Variants in GPC3 observed in about 807,000 individuals in gnomAD.
The protein encoded by GPC3 is glypican 3, also known as glypican-3.
Under a neutral mutation model 34.4 loss-of-function variants are expected in GPC3, and 3 were observed. The ratio of observed to expected loss-of-function variants is 0.09; its 90% CI spans 0.04 to 0.23. The LOEUF is 0.23. GPC3 is among the 10% of genes least tolerant of loss of function. GPC3 has a pLI of 1.00. For missense variants in GPC3, 351 were observed against 445.6 expected, an observed-to-expected ratio of 0.79 and a Z score of 1.91; for synonymous variants, 177 against 174.0, an observed-to-expected ratio of 1.02 and a Z score of -0.13.
At chrX:133,558,716 C>T (rs1227784517) in intron 7 of GPC3, among the ~76,000 whole-genome samples, 1 of 109,139 alleles carries the variant, frequency 9.2e-6, no homozygotes, top group Non-Finnish European at 1.9e-5. Context: ...GATGGTGAAA[C>T]CCTGTCTCTA....
At position 133,678,266 on chromosome X, in the gene GPC3, G is replaced by A. The variant is rs17000464; in HGVS notation, c.1292+14103C>T. 9.7e-3 allele frequency among the ~76,000 whole-genome samples: 1,084 copies of A among 112,001 alleles called. 10 individuals are homozygous for A. Among genetic ancestry groups the A allele is most frequent in the African/African-American group, 0.033 (1,002 of 30,814 alleles). ...TATTACTATTATTAGCCACTTTACT[G>A]TCTCAGTCCTGCTTTCTGAAGTCCC... On this transcript the variant is annotated intron_variant, in intron 5 of 7. Coordinates refer to ENST00000370818, the MANE Select transcript of GPC3 (RefSeq NM_004484.4).
chrX:133,827,838 G>A (rs1603255097), intron 2 of GPC3, among the ~76,000 whole-genome samples: 1 of 105,744 alleles, frequency 9.5e-6, no homozygotes, highest in Non-Finnish European at 1.9e-5. Flanking sequence ...CCAGCTACTC[G>A]GGAGGTTGAA....
intron 6 of GPC3, among the ~76,000 whole-genome samples, chrX:133,618,700 CAAAA>C (rs199558969): frequency 2.4e-5 from 1 of 41,460 alleles, no homozygotes. Flanking sequence ...GACACTGTAT[CAAAA>C]AAAAAAAAAA....
intron 2 of GPC3, among the ~76,000 whole-genome samples, chrX:133,782,289 T>A (rs910157016): frequency 1.8e-5 from 2 of 112,041 alleles, no homozygotes; most frequent in African/African-American, 6.5e-5. Flanking sequence ...TTGCTAAATT[T>A]CATCTCTACA....
chrX:133,682,232 T>C (rs187947817), intron 5 of GPC3, among the ~76,000 whole-genome samples: 131 of 111,199 alleles, frequency 1.2e-3, no homozygotes, highest in African/African-American at 4.2e-3. Context: ...GAAAAATTCC[T>C]GGAACTCCTC....
intron 1 of GPC3, among the ~76,000 whole-genome samples, chrX:133,984,715 G>A (rs1402416884): frequency 3.7e-5 from 4 of 109,245 alleles, no homozygotes; most frequent in Non-Finnish European, 7.6e-5. Flanking sequence ...TTACTCAAAA[G>A]TTTGCCTCAG....
chrX:133,743,357 T>C (rs1310198226), intron 3 of GPC3, among the ~76,000 whole-genome samples: 3 of 112,960 alleles, frequency 2.7e-5, no homozygotes, highest in Non-Finnish European at 5.6e-5. Flanking sequence ...CATTAAAAAA[T>C]GCTTCTGTGA....
chrX:133,753,839 G>A lies in GPC3; in HGVS notation c.675C>T (p.Val225=), dbSNP rs1250264785. The change falls in exon 3 of 8, where the codon GTC becomes GTT. Residue 225 remains valine (V), a synonymous_variant. Transcript: ENST00000370818. ...IMTQVSKSLQ[V]TRIFLQALNL... is the part of the protein sequence containing the mutation. ...TCAGAGCCTGAAGGAAGATCCTAGT[G>A]ACTTGCAGTGACTTGGAAACCTGGG... The A allele has an allele frequency of 3.3e-6, 4 of 1,208,920 alleles. No homozygotes were observed. In the South Asian group the frequency reaches 7.0e-5, roughly 21 times the overall value.
At chrX:133,753,010 C>T (rs1236506132) in intron 3 of GPC3, among the ~76,000 whole-genome samples, 1 of 111,905 alleles carries the variant, frequency 8.9e-6, no homozygotes, top group Non-Finnish European at 1.9e-5. Context: ...TGCAATTTCA[C>T]TTAAGCTTCA....
In GPC3 at chrX:133,640,566, A is replaced by C. The variant is rs1223541333; in HGVS notation, c.1413+21164T>G. On this transcript the variant is annotated intron_variant, in intron 6 of 7. Transcript: ENST00000370818. ...GAAGGCCCCCTGTGCAGATATTAAC[A>C]AGCTGAACACAATATGACTTTAGGA... Among the ~76,000 whole-genome samples, 8 of 112,449 alleles carry C rather than the reference A, an allele frequency of 7.1e-5. No individual in the cohort carries two copies. In the Admixed American group the frequency reaches 7.5e-4, roughly 11 times the overall value.
chrX:133,614,469 GAAA>G (rs764520267), intron 6 of GPC3, among the ~76,000 whole-genome samples: 19 of 95,915 alleles, frequency 2.0e-4, no homozygotes, highest in African/African-American at 6.6e-4. Flanking sequence ...AACACTGAAA[GAAA>G]AAAAAAAAAC....
intron 2 of GPC3, among the ~76,000 whole-genome samples, chrX:133,797,827 C>T (rs1252881530): frequency 9.2e-6 from 1 of 109,044 alleles, no homozygotes; most frequent in Non-Finnish European, 1.9e-5. Flanking sequence ...GAGACTCTGC[C>T]TCAAAAAAAA....
chrX:133,601,546 A>G (rs1488933508), intron 6 of GPC3, among the ~76,000 whole-genome samples: 1 of 112,277 alleles, frequency 8.9e-6, no homozygotes, highest in Non-Finnish European at 1.9e-5. Context: ...GCATCTATCC[A>G]TTAAGGGATC....
At chrX:133,711,939 T>C (rs1477842687) in intron 3 of GPC3, among the ~76,000 whole-genome samples, 1 of 112,433 alleles carries the variant, frequency 8.9e-6, no homozygotes, top group Non-Finnish European at 1.9e-5. Context: ...TTTGTATCTA[T>C]GTGAAAATAT....
At chrX:133,767,328 C>T (rs1180884657) in intron 2 of GPC3, among the ~76,000 whole-genome samples, 1 of 111,427 alleles carries the variant, frequency 9.0e-6, no homozygotes, top group Non-Finnish European at 1.9e-5. Context: ...CCTGTGTTGC[C>T]TTAGAGTCAT....
chrX:133,702,481 T>A (rs2071175482), intron 3 of GPC3, among the ~76,000 whole-genome samples: 1 of 111,332 alleles, frequency 9.0e-6, no homozygotes, highest in South Asian at 3.9e-4. Flanking sequence ...TCACAGTAAC[T>A]TGTCTACTTG....
intron 2 of GPC3, among the ~76,000 whole-genome samples, chrX:133,763,986 C>T (rs111262683): frequency 0.025 from 2,846 of 111,745 alleles, 91 homozygotes; most frequent in African/African-American, 0.086. Context: ...TTCATCACAG[C>T]GCTATTCACA....
At chrX:133,975,878 A>C (rs1271473293) in intron 1 of GPC3, among the ~76,000 whole-genome samples, 3 of 112,112 alleles carry the variant, frequency 2.7e-5, no homozygotes, top group Non-Finnish European at 5.6e-5. Context: ...TCCTCAGTGC[A>C]ATCACTCCAT....
At chrX:133,946,549 A>T (rs1227605233) in intron 2 of GPC3, among the ~76,000 whole-genome samples, 1 of 110,402 alleles carries the variant, frequency 9.1e-6, no homozygotes, top group Non-Finnish European at 1.9e-5. Flanking sequence ...TTCTCTCCAT[A>T]CCAGCCTGCC....
Sources: gnomAD v4.1 joint callset for allele counts (sites outside exome capture counted in the v4.1 genomes callset) on GRCh38, gnomAD v4.1.1 for gene constraint, MANE v1.5 for transcripts, NCBI Gene and HGNC (gene_info 2026-07-23, HGNC 2026-07-21) for gene names.